WDR70: variants seen among roughly 807,000 people sequenced by gnomAD.
WDR70 encodes WD repeat domain 70, also known as WD repeat-containing protein 70.
Under a neutral mutation model 88.6 loss-of-function variants are expected in WDR70, and 53 were observed. The observed-to-expected ratio is 0.60, with a 90% CI of 0.48 to 0.75. WDR70 has a LOEUF of 0.75. WDR70 is among the 30% of genes least tolerant of loss of function. The probability of loss-of-function intolerance (pLI) is 0.00; values close to 1 mark genes in which losing one functional copy is unlikely to be tolerated. For synonymous variants in WDR70, 280 were observed against 270.0 expected (o/e 1.04, Z -0.36); for missense variants, 610 against 823.2 (o/e 0.74, Z 3.17).
chr5:37,472,079 C>G lies in WDR70; in HGVS notation c.687-7755C>G, dbSNP rs377358184. ...CAAATTAAGAACTTTCCCTTTACTT[C>G]CTAATTTGCCAGGAGGTTTTATGAA... On this transcript the variant is annotated intron_variant, in intron 7 of 17. Coordinates refer to ENST00000265107, the MANE Select transcript of WDR70 (RefSeq NM_018034.4). Among the ~76,000 whole-genome samples the G allele has an allele frequency of 4.6e-5, 7 of 151,746 alleles. 1 individual carries two copies. Among genetic ancestry groups the G allele is most frequent in the Admixed American group, 3.9e-4 (6 of 15,238 alleles).
intron 9 of WDR70, among the ~76,000 whole-genome samples, chr5:37,569,804 G>C (rs757742607): frequency 6.6e-6 from 1 of 152,178 alleles, no homozygotes. Context: ...TGAGGGATCA[G>C]TGTTCCCCTG....
Position 37,670,222 on chromosome 5 carries a change from A to G in WDR70, c.1093-27433A>G, listed in dbSNP as rs201719148. Among the ~76,000 whole-genome samples, 7 of 152,122 alleles carry G rather than the reference A, an allele frequency of 4.6e-5. No homozygotes were observed. The South Asian group carries it at 8.3e-4, about 18-fold the overall frequency. On this transcript the variant is annotated intron_variant, in intron 10 of 17. Coordinates refer to ENST00000265107, the MANE Select transcript of WDR70 (RefSeq NM_018034.4). ...TCTTATATCAAAAGAAAAGAAAAAA[A>G]GGGGGAGTATATGCTGAAAGGATCT...
At chr5:37,622,315 A>G (rs1274811259) in intron 10 of WDR70, among the ~76,000 whole-genome samples, 1 of 151,882 alleles carries the variant, frequency 6.6e-6, no homozygotes, top group Non-Finnish European at 1.5e-5. Flanking sequence ...TAGTTCAACC[A>G]TTGTGGAAGT....
At chr5:37,566,501 T>A (rs762485988) in intron 9 of WDR70, among the ~76,000 whole-genome samples, 67 of 152,272 alleles carry the variant, frequency 4.4e-4, no homozygotes, top group Middle Eastern at 3.4e-3. Flanking sequence ...TTAGAATACT[T>A]TTCCTTCATG....
At chr5:37,517,709 A>G (rs1173131470) in intron 9 of WDR70, among the ~76,000 whole-genome samples, 2 of 122,596 alleles carry the variant, frequency 1.6e-5, no homozygotes, top group East Asian at 2.2e-4. Context: ...TACAGTAGGT[A>G]TATATATTTA....
intron 7 of WDR70, among the ~76,000 whole-genome samples, chr5:37,475,379 C>T (rs1053869040): frequency 2.0e-4 from 30 of 152,140 alleles, no homozygotes; most frequent in African/African-American, 7.2e-4. Flanking sequence ...GGATTACAGG[C>T]ATGCACCACC....
intron 4 of WDR70, among the ~76,000 whole-genome samples, chr5:37,394,451 AC>A (rs1581246478): frequency 6.6e-6 from 1 of 152,218 alleles, no homozygotes; most frequent in East Asian, 1.9e-4. Flanking sequence ...TGTTTTAGGC[AC>A]TGAGATATAG....
intron 5 of WDR70, among the ~76,000 whole-genome samples, chr5:37,416,510 A>C (rs796300343): frequency 4.7e-5 from 7 of 148,490 alleles, no homozygotes; most frequent in African/African-American, 1.8e-4. Context: ...AAAGAGAGGG[A>C]GAGGGAGATC....
At chr5:37,579,601 A>T (rs557930712) in intron 9 of WDR70, among the ~76,000 whole-genome samples, 5,454 of 151,350 alleles carry the variant, frequency 0.036, 328 homozygotes, top group African/African-American at 0.12. Flanking sequence ...AAAAAAAAAA[A>T]AAAAATTCCA....
chr5:37,416,579 GCTT>G (rs747773559), intron 5 of WDR70, among the ~76,000 whole-genome samples: 66 of 148,698 alleles, frequency 4.4e-4, no homozygotes, highest in Non-Finnish European at 6.2e-4. Context: ...TTGGGAGAGG[GCTT>G]CTTTTTTTTT....
intron 7 of WDR70, among the ~76,000 whole-genome samples, chr5:37,466,040 T>C (rs1739140993): frequency 6.6e-6 from 1 of 152,090 alleles, no homozygotes; most frequent in Non-Finnish European, 1.5e-5. Context: ...TATCGTACTT[T>C]ACCATGCCAT....
chr5:37,399,220 G>C (rs576826621), intron 5 of WDR70, among the ~76,000 whole-genome samples: 1 of 152,378 alleles, frequency 6.6e-6, no homozygotes, highest in South Asian at 2.1e-4. Flanking sequence ...AGAGCTTGCA[G>C]TGAGCCGAGA....
In WDR70 at chr5:37,686,298, GA is replaced by G. The variant is rs1295112542; in HGVS notation, c.1093-11355del. Among the ~76,000 whole-genome samples, 6 of 151,718 alleles carry G rather than the reference GA, an allele frequency of 4.0e-5. No homozygotes were observed. The East Asian group carries it at 1.2e-3, about 30-fold the overall frequency. On this transcript the variant is annotated intron_variant, in intron 10 of 17. Transcript: ENST00000265107. ...TCACTGCACTCCAACCTGGGTGACA[GA>G]AGGACACCCTGTCTCACAAAGGGAA... is the stretch of plus-strand genomic sequence containing the variant.
At chr5:37,410,042 T>C (rs1749473795) in intron 5 of WDR70, among the ~76,000 whole-genome samples, 1 of 141,818 alleles carries the variant, frequency 7.1e-6, no homozygotes, top group Admixed American at 6.9e-5. Flanking sequence ...GAGAAAGGGG[T>C]CCACTAGTGT....
In WDR70 at chr5:37,702,959, T is replaced by C; in HGVS notation, c.1288T>C (p.Cys430Arg). The change falls in exon 13 of 18, where the codon TGT becomes CGT. Residue 430 changes from cysteine (C) to arginine (R), a missense_variant. Cys to Arg is a radical substitution (Grantham distance 180, BLOSUM62 -3). Transcript: ENST00000265107. ...TCTTTTTTTCTGTAGGACTGACTGC[T>C]GTTTCAGTCCAGATGATAAGCTCAT... is the stretch of plus-strand genomic sequence containing the variant. Reference protein sequence around the residue: ...LPTMFPMTDCCFSPDDKLIVT... With the variant: ...LPTMFPMTDCRFSPDDKLIVT... The C allele has an allele frequency of 4.4e-6, 7 of 1,608,004 alleles. No homozygotes were observed. The highest frequency in any genetic ancestry group is 6.0e-6 in the Non-Finnish European group (7 of 1,174,792).
intron 7 of WDR70, among the ~76,000 whole-genome samples, chr5:37,452,509 G>T (rs1472857986): frequency 6.6e-6 from 1 of 152,140 alleles, no homozygotes; most frequent in Non-Finnish European, 1.5e-5. Context: ...CAAGTGATCT[G>T]CCTGCCTTGG....
In WDR70 at chr5:37,599,875, C is replaced by T. The variant is rs558592256; in HGVS notation, c.918-5189C>T. The stretch of plus-strand genomic sequence containing the variant: ...CCTGCTGTACTCTAGCCTGGGCCAC[C>T]GAGCAAGACTCCATCTCAAAAAAGA... On this transcript the variant is annotated intron_variant, in intron 9 of 17. Coordinates refer to ENST00000265107, the MANE Select transcript of WDR70 (RefSeq NM_018034.4). Among the ~76,000 whole-genome samples the T allele has an allele frequency of 1.1e-4, 16 of 149,160 alleles. No individual in the cohort carries two copies. In the South Asian group the frequency reaches 2.8e-3, roughly 26 times the overall value.
At position 37,439,367 on chromosome 5, in the gene WDR70, T is replaced by C. The variant is rs536594689; in HGVS notation, c.552+1386T>C. 5.3e-5 allele frequency among the ~76,000 whole-genome samples: 8 copies of C among 152,316 alleles called. No homozygotes were observed. In the South Asian group the frequency reaches 1.7e-3, roughly 32 times the overall value. On this transcript the variant is annotated intron_variant, in intron 6 of 17. Coordinates refer to ENST00000265107, the MANE Select transcript of WDR70 (RefSeq NM_018034.4). ...TTATATTTTTGTTCTGAAATTATGA[T>C]GGAATTCTACTTTTTGTGTTTTTAA...
intron 9 of WDR70, among the ~76,000 whole-genome samples, chr5:37,525,942 G>A (rs1042167014): frequency 6.6e-6 from 1 of 152,180 alleles, no homozygotes; most frequent in African/African-American, 2.4e-5. Flanking sequence ...GGAAGAATTT[G>A]AATCCACGAA....
Sources: allele counts gnomAD v4.1 joint callset (sites outside exome capture counted in the v4.1 genomes callset), GRCh38; gene constraint gnomAD v4.1.1; transcripts MANE v1.5; gene names NCBI Gene and HGNC (gene_info 2026-07-23, HGNC 2026-07-21).